Variants in C12orf56 observed in about 807,000 individuals in gnomAD.
C12orf56 encodes chromosome 12 open reading frame 56, also known as uncharacterized protein C12orf56.
In C12orf56, 71 loss-of-function variants were observed where a neutral mutation model predicts 69.9. The ratio of observed to expected loss-of-function variants is 1.02; its 90% CI spans 0.84 to 1.24. The LOEUF is 1.24. Ranked by LOEUF, C12orf56 falls within the 50% of genes most tolerant of loss-of-function variation. The pLI is 0.00. For missense variants in C12orf56, 732 were observed against 738.5 expected (o/e 0.99, Z 0.10); for synonymous variants, 276 against 274.1 (o/e 1.01, Z -0.07).
chr12:64,335,619 G>A (rs893869081), intron 2 of C12orf56, among the ~76,000 whole-genome samples: 4 of 152,084 alleles, frequency 2.6e-5, no homozygotes, highest in African/African-American at 9.7e-5. Context: ...ATTGCTCAAG[G>A]CCAGAAGTTT....
chr12:64,298,254 A>G (rs189685956), intron 6 of C12orf56, among the ~76,000 whole-genome samples: 3 of 151,996 alleles, frequency 2.0e-5, no homozygotes, highest in Non-Finnish European at 4.4e-5. Context: ...AAATTTGTTT[A>G]CGTCCTTTGT....
intron 6 of C12orf56, among the ~76,000 whole-genome samples, chr12:64,303,379 C>G (rs773235942): frequency 4.7e-5 from 7 of 150,224 alleles, no homozygotes; most frequent in Non-Finnish European, 8.9e-5. Context: ...TCCGTTGGCT[C>G]TGCCAACCCA....
chr12:64,320,337 G>A (rs920536921), intron 3 of C12orf56, among the ~76,000 whole-genome samples: 7 of 152,034 alleles, frequency 4.6e-5, no homozygotes, highest in African/African-American at 1.5e-4. Context: ...AGGACACCCC[G>A]GTAACAATGG....
chr12:64,297,884 C>T (rs964220878), intron 6 of C12orf56, among the ~76,000 whole-genome samples: 1 of 152,138 alleles, frequency 6.6e-6, no homozygotes, highest in African/African-American at 2.4e-5. Flanking sequence ...GATTTATAAT[C>T]CTTTGGGTAT....
chr12:64,353,158 C>T (rs1431629202), intron 1 of C12orf56, 102 bp from the exon 2 acceptor site: 8 of 1,097,212 alleles, frequency 7.3e-6, no homozygotes, highest in Non-Finnish European at 9.3e-6. Flanking sequence ...TTTTTTTCCA[C>T]ATATATATAT....
intron 5 of C12orf56, among the ~76,000 whole-genome samples, chr12:64,307,664 C>T (rs1005131144): frequency 1.2e-4 from 18 of 152,004 alleles, no homozygotes; most frequent in Non-Finnish European, 1.9e-4. Flanking sequence ...CCACCTCGCC[C>T]GGCCAGACTC....
At chr12:64,281,497 T>C (rs560286003) in intron 8 of C12orf56, among the ~76,000 whole-genome samples, 5 of 151,368 alleles carry the variant, frequency 3.3e-5, no homozygotes, top group Non-Finnish European at 5.9e-5. Context: ...GCTTGAACCA[T>C]GGAGGTAGAG....
rs1246836733 is a variant in C12orf56 at position 64,269,202 on chromosome 12, G to A, written c.1763+1334C>T. 2.0e-5 allele frequency among the ~76,000 whole-genome samples: 3 copies of A among 151,698 alleles called. No homozygotes were observed. In the East Asian group the frequency reaches 5.8e-4, roughly 29 times the overall value. ...TTTTAAAAAAAGACAATCTAAGGCT[G>A]TAATTTATGTCTCCACATCCTTTTA... On this transcript the variant is annotated intron_variant, in intron 12 of 12. Transcript: ENST00000543942.
chr12:64,390,291 G>T (rs1187785767), intron 1 of C12orf56, 23 bp downstream of exon 1: 2 of 1,587,136 alleles, frequency 1.3e-6, no homozygotes, highest in Non-Finnish European at 1.7e-6. Flanking sequence ...TCCCGAGCCC[G>T]CCTGCCCACC....
chr12:64,309,679 T>G (rs2038579778), intron 5 of C12orf56, among the ~76,000 whole-genome samples: 2 of 152,142 alleles, frequency 1.3e-5, no homozygotes, highest in East Asian at 3.9e-4. Context: ...CCAGGCTAAT[T>G]TTTGTATCTT....
chr12:64,288,931 T>C (rs1405350009), intron 6 of C12orf56, among the ~76,000 whole-genome samples: 6 of 147,114 alleles, frequency 4.1e-5, no homozygotes, highest in African/African-American at 1.3e-4. Flanking sequence ...ATCTGTAAAT[T>C]ACCTTGGGCA....
At position 64,267,295 on chromosome 12, in the gene C12orf56, A is replaced by T. The variant is rs771214525; in HGVS notation, c.1764-7T>A. On this transcript the variant is annotated splice_region_variant and splice_polypyrimidine_tract_variant and intron_variant, in intron 12 of 12. Transcript: ENST00000543942. ...TGGCATGTGAATAAAGTACCTGCAA[A>T]TCATAAAAAGAAACAAAATAGAGAG... 7.6e-5 allele frequency: 121 copies of T among 1,594,862 alleles called. No homozygotes were observed. Among genetic ancestry groups the T allele is most frequent in the Non-Finnish European group, 9.8e-5 (115 of 1,168,290 alleles).
rs533456534 is a variant in C12orf56 at position 64,267,584 on chromosome 12, C to T, written c.1764-296G>A. The T allele has an allele frequency of 1.5e-3, 494 of 332,692 alleles. 10 individuals carry two copies. The South Asian group carries it at 0.017, about 12-fold the overall frequency. 20.6% of individuals were successfully genotyped at this position (332,692 alleles called of 1,614,324 possible). A position where few individuals can be genotyped will look rare whatever the true frequency, so the allele number is the denominator to read the frequency against. The stretch of plus-strand genomic sequence containing the variant: ...CTGCTTCTTGGTTTATCAGGCAATG[C>T]GCAGTGAGGTGTTGAAATGAAAGGG... On this transcript the variant is annotated intron_variant, in intron 12 of 12. Transcript: ENST00000543942.
At chr12:64,289,022 T>C (rs2038249629) in intron 6 of C12orf56, among the ~76,000 whole-genome samples, 1 of 119,102 alleles carries the variant, frequency 8.4e-6, no homozygotes, top group Non-Finnish European at 1.8e-5. Context: ...CTCTTTTATT[T>C]CCTTGAGCAG....
At chr12:64,302,989 C>G (rs2038465930) in intron 6 of C12orf56, among the ~76,000 whole-genome samples, 1 of 151,914 alleles carries the variant, frequency 6.6e-6, no homozygotes, top group Non-Finnish European at 1.5e-5. Flanking sequence ...AATAAACAAA[C>G]AGGCAGGGCG....
At chr12:64,367,258 TATAATATACA>T (rs1199010052) in intron 1 of C12orf56, among the ~76,000 whole-genome samples, 1 of 139,276 alleles carries the variant, frequency 7.2e-6, no homozygotes, top group African/African-American at 2.6e-5. Context: ...ATATATTATA[TATAATATACA>T]GTTTATATAT....
chr12:64,376,250 C>G (rs2039638044), intron 1 of C12orf56, among the ~76,000 whole-genome samples: 1 of 152,178 alleles, frequency 6.6e-6, no homozygotes. Context: ...CTTCTTCAAG[C>G]ATCTTGACAA....
At chr12:64,293,285 G>C (rs1171342708) in intron 6 of C12orf56, 1 of 152,310 alleles carries the variant, frequency 6.6e-6, no homozygotes, top group Non-Finnish European at 1.5e-5. Context: ...CGGTACCTCA[G>C]ATGGAAATGC....
At chr12:64,283,836 A>G (rs1011897588) in intron 8 of C12orf56, among the ~76,000 whole-genome samples, 1 of 150,918 alleles carries the variant, frequency 6.6e-6, no homozygotes, top group Non-Finnish European at 1.5e-5. Flanking sequence ...AAGCCTGAAT[A>G]TTTACTCTGA....
Sources: gnomAD v4.1 joint callset for allele counts (sites outside exome capture counted in the v4.1 genomes callset) on GRCh38, gnomAD v4.1.1 for gene constraint, MANE v1.5 for transcripts, NCBI Gene and HGNC (gene_info 2026-07-23, HGNC 2026-07-21) for gene names.